FRMPD2: variants seen among roughly 807,000 people sequenced by gnomAD.
FRMPD2 encodes the protein FERM and PDZ domain-containing protein 2.
FRMPD2 carries 96 observed loss-of-function variants against 140.1 expected under a neutral mutation model. That is an observed-to-expected ratio of 0.69 (90% CI 0.58 to 0.81). The LOEUF (loss-of-function observed/expected upper bound fraction) is 0.81. FRMPD2 is among the 40% of genes least tolerant of loss of function. The probability of loss-of-function intolerance (pLI) is 0.00; values close to 1 mark genes in which losing one functional copy is unlikely to be tolerated. For synonymous variants in FRMPD2, 449 were observed against 547.6 expected (o/e 0.82, Z 2.52); for missense variants, 1,240 against 1,447.4 (o/e 0.86, Z 2.32).
At chr10:48,265,342 C>T (rs1840660841) in intron 1 of FRMPD2, among the ~76,000 whole-genome samples, 1 of 152,044 alleles carries the variant, frequency 6.6e-6, no homozygotes, top group Non-Finnish European at 1.5e-5. Context: ...AAAGCAATTG[C>T]AACAAAAGCA....
chr10:48,192,148 T>C (rs980530414), intron 16 of FRMPD2, among the ~76,000 whole-genome samples: 3 of 152,194 alleles, frequency 2.0e-5, no homozygotes. Context: ...GACGGGAGCA[T>C]CATAGAAGGA....
chr10:48,274,492 C>G (rs1840820292), intron 1 of FRMPD2, 51 bp downstream of exon 1: 2 of 1,574,654 alleles, frequency 1.3e-6, no homozygotes, highest in Admixed American at 1.7e-5. Context: ...AGAAGTTTGC[C>G]CTTTCCCTGA....
chr10:48,272,688 A>G (rs1424087566), intron 1 of FRMPD2, among the ~76,000 whole-genome samples: 1 of 152,224 alleles, frequency 6.6e-6, no homozygotes, highest in African/African-American at 2.4e-5. Flanking sequence ...GAAAACTAAG[A>G]AAGTGATGGA....
At chr10:48,240,326 GC>G in intron 6 of FRMPD2, 33 bp downstream of exon 6, 1 of 1,600,388 alleles carries the variant, frequency 6.2e-7, no homozygotes, top group Non-Finnish European at 8.5e-7. Flanking sequence ...GGTACCATCA[GC>G]CCACGCAGGG....
At chr10:48,251,840 G>T (rs1840391279) in intron 1 of FRMPD2, 149 bp from the exon 2 acceptor site, 1 of 809,732 alleles carries the variant, frequency 1.2e-6, no homozygotes, top group Non-Finnish European at 1.9e-6. Flanking sequence ...CTGGGGTCAG[G>T]CACAGAGCCA....
At chr10:48,213,897 AT>A (rs1221281155) in intron 12 of FRMPD2, among the ~76,000 whole-genome samples, 4 of 152,210 alleles carry the variant, frequency 2.6e-5, no homozygotes, top group African/African-American at 7.2e-5. Context: ...GGTTATACAA[AT>A]TGAGTAATTC....
At chr10:48,173,378 C>T (rs1383401455) in intron 24 of FRMPD2, among the ~76,000 whole-genome samples, 1 of 152,004 alleles carries the variant, frequency 6.6e-6, no homozygotes, top group Admixed American at 6.5e-5. Flanking sequence ...TCCTAAAACA[C>T]TCCTCCCCTC....
chr10:48,196,423 T>A (rs2131854111), intron 15 of FRMPD2, among the ~76,000 whole-genome samples: 1 of 152,370 alleles, frequency 6.6e-6, no homozygotes, highest in Admixed American at 6.5e-5. Flanking sequence ...AAGTCCATTA[T>A]GTGACGTGCC....
rs1005111805 is a variant in FRMPD2 at position 48,231,732 on chromosome 10, T to C, written c.1168+383A>G. 6.7e-4 allele frequency among the ~76,000 whole-genome samples: 102 copies of C among 152,282 alleles called. 1 individual carries two copies. The highest frequency in any genetic ancestry group is 6.5e-3 in the Admixed American group (99 of 15,286). ...AGAGGGAAGAGGGTATAGAAACCCTTTTTCTTGGATATTTAGAATGGAGTC... is the reference window on the plus strand; with the variant it reads ...AGAGGGAAGAGGGTATAGAAACCCTCTTTCTTGGATATTTAGAATGGAGTC... On this transcript the variant is annotated intron_variant, in intron 10 of 28. Transcript: ENST00000374201.
chr10:48,223,505 G>T (rs1839657488), intron 10 of FRMPD2, among the ~76,000 whole-genome samples: 1 of 152,152 alleles, frequency 6.6e-6, no homozygotes, highest in Non-Finnish European at 1.5e-5. Flanking sequence ...ACCAAGAGGA[G>T]AAAATACCGT....
In FRMPD2 at chr10:48,240,494, TG is replaced by T. The variant is rs1840082003; in HGVS notation, c.568-3del. ...TTCCTCCACAACTCTTTTCTCCACCTGGGGGTCAAGTGCATCACACATCCAC... is the reference window on the plus strand; with the variant it reads ...TTCCTCCACAACTCTTTTCTCCACCTGGGGTCAAGTGCATCACACATCCAC... On this transcript the variant is annotated splice_polypyrimidine_tract_variant and splice_region_variant and intron_variant, in intron 5 of 28. Coordinates refer to ENST00000374201, the MANE Select transcript of FRMPD2 (RefSeq NM_001018071.4). 1 of 1,613,674 alleles carries T rather than the reference TG, an allele frequency of 6.2e-7. No homozygotes were observed.
chr10:48,174,813 A>T, intron 24 of FRMPD2, 57 bp downstream of exon 24: 13 of 739,090 alleles, frequency 1.8e-5, no homozygotes, highest in Non-Finnish European at 9.7e-6. Context: ...TCAGCTTCTG[A>T]TGTTGTTCAG....
chr10:48,187,083 GT>G (rs1564418795), intron 17 of FRMPD2, 108 bp downstream of exon 17: 1 of 681,856 alleles, frequency 1.5e-6, no homozygotes, highest in African/African-American at 1.8e-5. Context: ...AAACAAGAAG[GT>G]TACAAACATT....
chr10:48,239,813 C>T, intron 6 of FRMPD2, 121 bp from the exon 7 acceptor site: 1 of 672,986 alleles, frequency 1.5e-6, no homozygotes, highest in Non-Finnish European at 2.7e-6. Flanking sequence ...GGTGAAATTC[C>T]TTAGCCTCTC....
chr10:48,229,888 A>T (rs1395253326), intron 10 of FRMPD2, among the ~76,000 whole-genome samples: 1 of 152,272 alleles, frequency 6.6e-6, no homozygotes, highest in Admixed American at 6.5e-5. Context: ...CACAGAAAGG[A>T]TGGAAAGAAT....
chr10:48,261,071 G>T (rs1027165496), intron 1 of FRMPD2, among the ~76,000 whole-genome samples: 1 of 152,140 alleles, frequency 6.6e-6, no homozygotes, highest in Non-Finnish European at 1.5e-5. Flanking sequence ...GGAGCTTAAA[G>T]ATGTGTCAGT....
At chr10:48,218,298 C>A (rs935962305) in intron 12 of FRMPD2, among the ~76,000 whole-genome samples, 1 of 152,174 alleles carries the variant, frequency 6.6e-6, no homozygotes, top group Non-Finnish European at 1.5e-5. Context: ...CAAGACTCAG[C>A]CTATAACATA....
rs778748943 is a variant in FRMPD2, at chr10:48,248,980, G to C, written c.309+41C>G. On this transcript the variant is annotated intron_variant, in intron 3 of 28. Coordinates refer to ENST00000374201, the MANE Select transcript of FRMPD2 (RefSeq NM_001018071.4). ...TGCCGCTGGGACAGGCCTTTCCCAG[G>C]GCACAGGACTCAGAAGTTGCAGAGT... 6.5e-6 allele frequency: 10 copies of C among 1,536,838 alleles called. No individual in the cohort carries two copies. The Admixed American group carries it at 1.9e-4, about 29-fold the overall frequency.
At chr10:48,236,220 C>T (rs1441607866) in intron 9 of FRMPD2, among the ~76,000 whole-genome samples, 2 of 152,126 alleles carry the variant, frequency 1.3e-5, no homozygotes, top group Admixed American at 1.3e-4. Context: ...TGCCTGGCAC[C>T]TGGTAGATGT....
Sources: gnomAD v4.1 joint callset for allele counts (sites outside exome capture counted in the v4.1 genomes callset) on GRCh38, gnomAD v4.1.1 for gene constraint, MANE v1.5 for transcripts, NCBI Gene and HGNC (gene_info 2026-07-23, HGNC 2026-07-21) for gene names.